The following AGBL1 variants were observed in gnomAD, a reference collection of about 807,000 sequenced individuals.
The protein encoded by AGBL1 is AGBL carboxypeptidase 1.
A neutral mutation model predicts 118.9 loss-of-function variants in AGBL1; 130 were observed. The observed-to-expected ratio is 1.09, with a 90% CI of 0.95 to 1.26. AGBL1 has a LOEUF of 1.26. Ranked by LOEUF, AGBL1 falls within the 50% of genes most tolerant of loss-of-function variation. The probability of loss-of-function intolerance (pLI) is 0.00; values close to 1 mark genes in which losing one functional copy is unlikely to be tolerated. For synonymous variants in AGBL1, 555 were observed against 478.9 expected (o/e 1.16, Z -2.08); for missense variants, 1,584 against 1,298.1 (o/e 1.22, Z -3.38).
chr15:86,553,518 G>A (rs1432028095), intron 20 of AGBL1, among the ~76,000 whole-genome samples: 4 of 152,168 alleles, frequency 2.6e-5, no homozygotes, highest in Non-Finnish European at 5.9e-5. Flanking sequence ...AAGATGAGAC[G>A]AAAAAGATCA....
At position 86,305,903 on chromosome 15, in the gene AGBL1, A is replaced by G. The variant is rs189217273; in HGVS notation, c.2374+10495A>G. On this transcript the variant is annotated intron_variant, in intron 17 of 22. Coordinates refer to ENST00000614907, the MANE Select transcript of AGBL1 (RefSeq NM_001386094.1). ...GCCAGATTCTGTGCTACCACTTTAC[A>G]CTCCCACAAAGTGTAAGAGATTATT... Among the ~76,000 whole-genome samples, 38 of 151,748 alleles carry G rather than the reference A, an allele frequency of 2.5e-4. No homozygotes were observed. In the East Asian group the frequency reaches 6.9e-3, roughly 28 times the overall value.
intron 20 of AGBL1, among the ~76,000 whole-genome samples, chr15:86,549,774 A>T (rs1230754518): frequency 1.3e-5 from 2 of 151,306 alleles, no homozygotes; most frequent in African/African-American, 2.4e-5. Context: ...TATGATGACC[A>T]TTACTCAATA....
intron 22 of AGBL1, among the ~76,000 whole-genome samples, chr15:86,818,736 C>T (rs779636419): frequency 5.3e-5 from 8 of 152,118 alleles, no homozygotes; most frequent in South Asian, 2.1e-4. Context: ...TACTTGCAGG[C>T]CAGTAGTACA....
chr15:86,666,029 T>A lies in AGBL1; in HGVS notation c.2995-8244T>A, dbSNP rs970314962. Among the ~76,000 whole-genome samples, 9 of 152,180 alleles carry A rather than the reference T, an allele frequency of 5.9e-5. No homozygotes were observed. In the East Asian group the frequency reaches 1.5e-3, roughly 26 times the overall value. On this transcript the variant is annotated intron_variant, in intron 21 of 22. Coordinates refer to ENST00000614907, the MANE Select transcript of AGBL1 (RefSeq NM_001386094.1). ...AAGGGAAAACCCTCATTAATAGTTT[T>A]TACTTTTTATTCTGGGATATTCTTG...
At chr15:86,979,052 G>C (rs1214488126) in intron 23 of AGBL1, among the ~76,000 whole-genome samples, 1 of 152,176 alleles carries the variant, frequency 6.6e-6, no homozygotes, top group African/African-American at 2.4e-5. Context: ...CTATTCACTG[G>C]CATGACACAG....
intron 23 of AGBL1, chr15:86,939,226 T>C (rs533083990): frequency 6.6e-6 from 1 of 152,500 alleles, no homozygotes; most frequent in East Asian, 1.9e-4. Context: ...AGACCCACTC[T>C]CAATCTGGAT....
intron 17 of AGBL1, among the ~76,000 whole-genome samples, chr15:86,298,911 G>T (rs1445819262): frequency 3.3e-5 from 5 of 152,090 alleles, no homozygotes; most frequent in African/African-American, 1.2e-4. Context: ...GATTACTGAG[G>T]ACAACTTAAT....
intron 17 of AGBL1, among the ~76,000 whole-genome samples, chr15:86,361,596 G>GTT (rs2080806339): frequency 6.6e-6 from 1 of 151,954 alleles, no homozygotes; most frequent in Non-Finnish European, 1.5e-5. Context: ...ATTTAGATCT[G>GTT]TCAATGTTCA....
chr15:86,740,368 T>C (rs2077659957), intron 22 of AGBL1, among the ~76,000 whole-genome samples: 2 of 152,214 alleles, frequency 1.3e-5, no homozygotes, highest in African/African-American at 4.8e-5. Flanking sequence ...TGCTCCAGCT[T>C]GCCCACCCAG....
intron 5 of AGBL1, among the ~76,000 whole-genome samples, chr15:86,171,890 A>G (rs2077421030): frequency 6.6e-6 from 1 of 152,234 alleles, no homozygotes; most frequent in African/African-American, 2.4e-5. Context: ...GGCATTCACA[A>G]CAACCTAGAT....
chr15:86,261,277 C>T (rs2078978557), intron 9 of AGBL1, among the ~76,000 whole-genome samples: 1 of 152,122 alleles, frequency 6.6e-6, no homozygotes, highest in Admixed American at 6.5e-5. Context: ...TTGTGTTTCC[C>T]TTAGTACCAC....
intron 18 of AGBL1, among the ~76,000 whole-genome samples, chr15:86,470,659 A>G (rs2082467880): frequency 2.6e-5 from 4 of 152,226 alleles, no homozygotes; most frequent in African/African-American, 9.6e-5. Flanking sequence ...AACTTTTTCA[A>G]TTCTTAAACA....
chr15:86,276,185 A>C (rs2079248258), intron 15 of AGBL1, among the ~76,000 whole-genome samples: 1 of 152,166 alleles, frequency 6.6e-6, no homozygotes, highest in African/African-American at 2.4e-5. Context: ...TTAGACTGTA[A>C]GTTCATAGGC....
At chr15:86,627,021 A>G (rs1341496804) in intron 21 of AGBL1, among the ~76,000 whole-genome samples, 1 of 140,874 alleles carries the variant, frequency 7.1e-6, no homozygotes, top group Non-Finnish European at 1.5e-5. Context: ...TTTTTTTTAG[A>G]TGGAGTTTTG....
chr15:86,621,967 T>C (rs770769159), intron 21 of AGBL1, among the ~76,000 whole-genome samples: 46 of 152,268 alleles, frequency 3.0e-4, no homozygotes, highest in Non-Finnish European at 5.6e-4. Flanking sequence ...GTTACATCAC[T>C]ATATGCAATT....
rs529977451 is a variant in AGBL1 at position 86,655,484 on chromosome 15, G to A, written c.2995-18789G>A. ...GGAAGTAGGTAATCAATAATTTCCC[G>A]TTACTTTCTTTTCTCTTGTCTTTCC... On this transcript the variant is annotated intron_variant, in intron 21 of 22. Transcript: ENST00000614907. Among the ~76,000 whole-genome samples the A allele has an allele frequency of 9.9e-5, 15 of 152,144 alleles. No individual in the cohort carries two copies. The South Asian group carries it at 1.7e-3, about 17-fold the overall frequency.
chr15:86,335,251 G>A (rs1433378067), intron 17 of AGBL1, among the ~76,000 whole-genome samples: 1 of 151,860 alleles, frequency 6.6e-6, no homozygotes, highest in Non-Finnish European at 1.5e-5. Context: ...CGATTCTCCT[G>A]CCTCAGCCTC....
intron 23 of AGBL1, among the ~76,000 whole-genome samples, chr15:86,925,143 AG>A (rs2080519584): frequency 2.5e-5 from 2 of 80,532 alleles, no homozygotes; most frequent in Admixed American, 2.9e-4. Flanking sequence ...AGGAAGAGGA[AG>A]AGGAGGAGGA....
At chr15:86,725,067 G>T (rs2086798866) in intron 22 of AGBL1, among the ~76,000 whole-genome samples, 1 of 152,218 alleles carries the variant, frequency 6.6e-6, no homozygotes, top group Non-Finnish European at 1.5e-5. Flanking sequence ...GCCACTGTTT[G>T]TGAGGGATGC....
Sources: allele counts gnomAD v4.1 joint callset (sites outside exome capture counted in the v4.1 genomes callset), GRCh38; gene constraint gnomAD v4.1.1; transcripts MANE v1.5; gene names NCBI Gene and HGNC (gene_info 2026-07-23, HGNC 2026-07-21).